The following FGF14 variants were observed in gnomAD, a reference collection of about 807,000 sequenced individuals.
The protein encoded by FGF14 is fibroblast growth factor homologous factor 4.
Under a neutral mutation model 25.5 loss-of-function variants are expected in FGF14, and 5 were observed. The observed-to-expected ratio is 0.20, with a 90% CI of 0.10 to 0.41. The LOEUF (loss-of-function observed/expected upper bound fraction) is 0.41. FGF14 is among the 10% of genes least tolerant of loss of function. The pLI is 1.00. For missense variants in FGF14, 222 were observed against 320.1 expected (o/e 0.69, Z 2.34); for synonymous variants, 138 against 118.3 (o/e 1.17, Z -1.08).
At chr13:101,833,386 T>C (rs2042771542) in intron 3 of FGF14, among the ~76,000 whole-genome samples, 2 of 152,090 alleles carry the variant, frequency 1.3e-5, no homozygotes, top group Non-Finnish European at 2.9e-5. Flanking sequence ...AGTTAAGACA[T>C]ATTTTCAACA....
chr13:102,196,065 T>C (rs1442868647), intron 1 of FGF14, among the ~76,000 whole-genome samples: 1 of 152,192 alleles, frequency 6.6e-6, no homozygotes, highest in African/African-American at 2.4e-5. Flanking sequence ...CACCTCTTAA[T>C]AGATTCATCA....
intron 3 of FGF14, among the ~76,000 whole-genome samples, chr13:101,847,998 G>A (rs1376773115): frequency 1.3e-5 from 2 of 152,010 alleles, no homozygotes; most frequent in Admixed American, 1.3e-4. Context: ...AGGTCTATTT[G>A]TCAACGCAAG....
Position 101,916,509 on chromosome 13 carries a change from T to G in FGF14, c.137A>C (p.Asp46Ala), listed in dbSNP as rs767277195. The G allele has an allele frequency of 3.7e-6, 6 of 1,613,874 alleles. No homozygotes were observed. In the South Asian group the frequency reaches 6.6e-5, roughly 18 times the overall value. The change falls in exon 1 of 5, where the codon GAT (aspartate) becomes GCT (alanine). Residue 46 changes from aspartate (D) to alanine (A), a missense_variant. Around this residue, in one of 5 missense-constraint regions of FGF14, gnomAD observed 80 missense variants for 72.2 expected, o/e 1.11. Coordinates refer to ENST00000376143, the MANE Select transcript of FGF14 (RefSeq NM_004115.4). ...NRGLCNGNLV[D>A]IFSKVRIFGL... ...GAAGATGCGCACTTTGGAGAAGATA[T>G]CCACCAGGTTGCCGTTGCAGAGCCC...
intron 3 of FGF14, among the ~76,000 whole-genome samples, chr13:101,836,480 G>C (rs1198313405): frequency 3.3e-5 from 5 of 152,224 alleles, no homozygotes; most frequent in Admixed American, 1.3e-4. Context: ...GGACCTACCT[G>C]AGGTAACAAC....
intron 1 of FGF14, among the ~76,000 whole-genome samples, chr13:102,178,594 C>T (rs144907509): frequency 1.3e-5 from 2 of 152,174 alleles, no homozygotes; most frequent in Non-Finnish European, 2.9e-5. Flanking sequence ...TCTATGTCCA[C>T]GTGTACACGT....
chr13:101,761,472 C>T (rs1188416966), intron 3 of FGF14, among the ~76,000 whole-genome samples: 1 of 152,154 alleles, frequency 6.6e-6, no homozygotes, highest in East Asian at 1.9e-4. Context: ...CCCCACGTGA[C>T]TGTGGGTCTC....
Position 101,802,839 on chromosome 13 carries a change from G to A in FGF14, c.408+65886C>T, listed in dbSNP as rs77765871. On this transcript the variant is annotated intron_variant, in intron 3 of 4. Coordinates refer to ENST00000376143, the MANE Select transcript of FGF14 (RefSeq NM_004115.4). The stretch of plus-strand genomic sequence containing the variant: ...GGCTAGAAATCCTGAGGTGTCAGGT[G>A]TACATACATATCTTTTGTAAAAAGA... Among the ~76,000 whole-genome samples the A allele has an allele frequency of 4.7e-3, 722 of 152,256 alleles. 7 individuals are homozygous for A. Among genetic ancestry groups the A allele is most frequent in the African/African-American group, 0.016 (666 of 41,558 alleles).
At chr13:102,317,313 C>T (rs2056069985) in intron 1 of FGF14, among the ~76,000 whole-genome samples, 1 of 151,882 alleles carries the variant, frequency 6.6e-6, no homozygotes. Flanking sequence ...TATATTCTTT[C>T]GTTATTCCTT....
At chr13:101,743,549 C>A (rs1271656489) in intron 3 of FGF14, among the ~76,000 whole-genome samples, 1 of 152,154 alleles carries the variant, frequency 6.6e-6, no homozygotes, top group African/African-American at 2.4e-5. Context: ...GGGTGAATCC[C>A]TCTTCTTTGA....
At chr13:102,043,273 T>A (rs61966517) in intron 1 of FGF14, among the ~76,000 whole-genome samples, 4,668 of 152,276 alleles carry the variant, frequency 0.031, 94 homozygotes, top group Non-Finnish European at 0.046. Context: ...ACCTTTATAT[T>A]TTAGTGGTCT....
chr13:102,092,928 T>C (rs2044230775), intron 1 of FGF14, among the ~76,000 whole-genome samples: 2 of 152,132 alleles, frequency 1.3e-5, no homozygotes, highest in Non-Finnish European at 2.9e-5. Context: ...GCATGAAGCA[T>C]AAGGTTAGGA....
chr13:102,210,610 T>A (rs1030045950), intron 1 of FGF14, among the ~76,000 whole-genome samples: 2 of 152,156 alleles, frequency 1.3e-5, no homozygotes, highest in Non-Finnish European at 1.5e-5. Flanking sequence ...CCCTCCCAAC[T>A]CTTAGCTACT....
chr13:101,815,426 C>T (rs1319057850), intron 3 of FGF14, among the ~76,000 whole-genome samples: 2 of 152,184 alleles, frequency 1.3e-5, no homozygotes, highest in Admixed American at 1.3e-4. Flanking sequence ...GACCCTCCAA[C>T]AGGTCACTGA....
At chr13:102,140,356 A>C (rs929996683) in intron 1 of FGF14, among the ~76,000 whole-genome samples, 1 of 152,194 alleles carries the variant, frequency 6.6e-6, no homozygotes, top group African/African-American at 2.4e-5. Flanking sequence ...CTTTCTGTGT[A>C]CTAGGCACAA....
At chr13:102,364,651 A>C (rs575979077) in intron 1 of FGF14, among the ~76,000 whole-genome samples, 25 of 152,370 alleles carry the variant, frequency 1.6e-4, no homozygotes, top group African/African-American at 6.0e-4. Flanking sequence ...TTTAGATTAT[A>C]CAATGGCAGA....
intron 3 of FGF14, among the ~76,000 whole-genome samples, chr13:101,751,726 G>A (rs1025040172): frequency 6.6e-6 from 1 of 152,082 alleles, no homozygotes. Context: ...ACGTCCAAAC[G>A]CAGTGGAGGA....
intron 1 of FGF14, among the ~76,000 whole-genome samples, chr13:102,354,964 T>C (rs1175640671): frequency 6.6e-6 from 1 of 152,122 alleles, no homozygotes; most frequent in Non-Finnish European, 1.5e-5. Context: ...CAGCTGGTCA[T>C]ACCCTTCTTT....
At chr13:102,094,970 T>C (rs1434072338) in intron 1 of FGF14, among the ~76,000 whole-genome samples, 1 of 152,124 alleles carries the variant, frequency 6.6e-6, no homozygotes, top group Non-Finnish European at 1.5e-5. Flanking sequence ...TTATGCATGG[T>C]ACTTTATGGA....
At chr13:101,944,182 T>C (rs16959482) in intron 1 of FGF14, among the ~76,000 whole-genome samples, 3,034 of 152,224 alleles carry the variant, frequency 0.02, 119 homozygotes, top group African/African-American at 0.07. Context: ...ATACTTAAAC[T>C]TTCCAAGCCC....
Sources: gnomAD v4.1 joint callset for allele counts (sites outside exome capture counted in the v4.1 genomes callset) on GRCh38, gnomAD v4.1.1 for gene constraint, gnomAD v4.1.1 regional missense constraint, MANE v1.5 for transcripts, NCBI Gene and HGNC (gene_info 2026-07-23, HGNC 2026-07-21) for gene names.